The following ANKMY2 variants were observed in gnomAD, a reference collection of about 807,000 sequenced individuals.
The protein encoded by ANKMY2 is ankyrin repeat and MYND domain containing 2.
Under a neutral mutation model 50.4 loss-of-function variants are expected in ANKMY2, and 36 were observed. The ratio of observed to expected loss-of-function variants is 0.71; its 90% confidence interval spans 0.55 to 0.94. The LOEUF (loss-of-function observed/expected upper bound fraction) is 0.94. ANKMY2 is among the 40% of genes least tolerant of loss of function. ANKMY2 has a pLI of 0.00. For synonymous variants in ANKMY2, 187 were observed against 178.8 expected (o/e 1.05, Z -0.36); for missense variants, 565 against 524.0 (o/e 1.08, Z -0.76).
chr7:16,601,244 C>T (rs1781057601), intron 9 of ANKMY2, among the ~76,000 whole-genome samples: 1 of 152,210 alleles, frequency 6.6e-6, no homozygotes, highest in South Asian at 2.1e-4. Context: ...TATTTGAATA[C>T]AGCTTTTCTG....
intron 5 of ANKMY2, among the ~76,000 whole-genome samples, chr7:16,612,167 C>G (rs1781266466): frequency 6.6e-6 from 1 of 152,182 alleles, no homozygotes; most frequent in Non-Finnish European, 1.5e-5. Context: ...ACAGCTAAAT[C>G]AATATCCCAG....
chr7:16,621,702 A>C (rs959567900), intron 4 of ANKMY2, among the ~76,000 whole-genome samples: 1 of 152,088 alleles, frequency 6.6e-6, no homozygotes, highest in Non-Finnish European at 1.5e-5. Context: ...TGCCGGGCAC[A>C]GTGGTTCATG....
At chr7:16,628,957 A>G (rs894263775) in intron 2 of ANKMY2, among the ~76,000 whole-genome samples, 3 of 142,966 alleles carry the variant, frequency 2.1e-5, no homozygotes, top group Admixed American at 7.1e-5. Context: ...CAAAACACAA[A>G]GCTTTCAACA....
intron 1 of ANKMY2, among the ~76,000 whole-genome samples, chr7:16,641,142 G>A (rs1781739555): frequency 6.6e-6 from 1 of 152,160 alleles, no homozygotes; most frequent in Admixed American, 6.5e-5. Flanking sequence ...GCTGAGGCAG[G>A]AGAATTGCTT....
At chr7:16,602,781 T>C (rs1042162557) in intron 8 of ANKMY2, among the ~76,000 whole-genome samples, 19 of 152,170 alleles carry the variant, frequency 1.2e-4, no homozygotes, top group Admixed American at 1.1e-3. Context: ...CTTGGTGCTG[T>C]CCTCACAATA....
intron 2 of ANKMY2, among the ~76,000 whole-genome samples, chr7:16,628,383 C>T (rs1370679428): frequency 6.6e-6 from 1 of 152,062 alleles, no homozygotes; most frequent in Admixed American, 6.6e-5. Context: ...CTTTCAGTTG[C>T]ACAAGAGGCA....
intron 9 of ANKMY2, among the ~76,000 whole-genome samples, chr7:16,601,853 GA>G (rs763987918): frequency 9.3e-5 from 14 of 150,574 alleles, no homozygotes; most frequent in Non-Finnish European, 2.1e-4. Flanking sequence ...GAGGGATGGA[GA>G]AAAAAAAATA....
intron 1 of ANKMY2, among the ~76,000 whole-genome samples, chr7:16,636,667 T>A (rs1014839459): frequency 5.9e-5 from 9 of 152,180 alleles, no homozygotes; most frequent in African/African-American, 1.9e-4. Context: ...AATAGCTCCA[T>A]CTTGTTTTTA....
intron 2 of ANKMY2, among the ~76,000 whole-genome samples, chr7:16,631,440 C>A (rs1443321052): frequency 1.3e-5 from 2 of 152,158 alleles, no homozygotes; most frequent in African/African-American, 4.8e-5. Context: ...GAGTATCTTC[C>A]CATCTTTTTC....
Position 16,600,624 on chromosome 7 carries a change from GA to G in ANKMY2, c.*136del. ...GGGCATGGTCAACAGGGGTTTGCTT[GA>G]AAACCTGTATTCTATGAAATGTGGA... On this transcript the variant is annotated 3_prime_UTR_variant, in exon 10 of 10. Coordinates refer to ENST00000306999, the MANE Select transcript of ANKMY2 (RefSeq NM_020319.3). 3 of 652,476 alleles carry G rather than the reference GA, an allele frequency of 4.6e-6. No individual in the cohort carries two copies. The highest frequency in any genetic ancestry group is 6.8e-6 in the Non-Finnish European group (3 of 442,216). 40.4% of individuals were successfully genotyped at this position (652,476 alleles called of 1,614,324 possible).
At chr7:16,641,961 T>C (rs1473391009) in intron 1 of ANKMY2, among the ~76,000 whole-genome samples, 1 of 152,142 alleles carries the variant, frequency 6.6e-6, no homozygotes, top group Non-Finnish European at 1.5e-5. Flanking sequence ...AAGATGTTCA[T>C]TATGTTGATC....
In ANKMY2 at chr7:16,627,078, TCATGCTGATGACAATTTA is replaced by T; in HGVS notation, c.215_232del (p.Val72_His77del). The T allele has an allele frequency of 6.2e-7, 1 of 1,611,970 alleles. No individual in the cohort carries two copies. Among genetic ancestry groups the T allele is most frequent in the Non-Finnish European group, 8.5e-7 (1 of 1,178,968 alleles). On this transcript the variant is annotated inframe_deletion, in exon 3 of 10. Coordinates refer to ENST00000306999, the MANE Select transcript of ANKMY2 (RefSeq NM_020319.3). ...AAACATGAGGGCTGTGTATCCATGT[TCATGCTGATGACAATTTA>T]CATCGGCTCCATGTCGCAGTAGTAA...
At chr7:16,629,429 G>A (rs763879825) in intron 2 of ANKMY2, among the ~76,000 whole-genome samples, 7 of 152,092 alleles carry the variant, frequency 4.6e-5, no homozygotes, top group South Asian at 2.1e-4. Flanking sequence ...CCAGCTACTC[G>A]GGAAGCTGAA....
chr7:16,609,206 C>T (rs531114174), intron 7 of ANKMY2, among the ~76,000 whole-genome samples: 1 of 152,250 alleles, frequency 6.6e-6, no homozygotes, highest in East Asian at 1.9e-4. Context: ...CACAATGAGC[C>T]TTCCCATGGC....
intron 5 of ANKMY2, among the ~76,000 whole-genome samples, chr7:16,612,455 A>C (rs1211440649): frequency 6.6e-6 from 1 of 152,188 alleles, no homozygotes; most frequent in Non-Finnish European, 1.5e-5. Flanking sequence ...AACTCTCTCT[A>C]CCAAAACATA....
chr7:16,638,380 G>A (rs1390186169), intron 1 of ANKMY2, among the ~76,000 whole-genome samples: 1 of 151,988 alleles, frequency 6.6e-6, no homozygotes, highest in Non-Finnish European at 1.5e-5. Context: ...CAGAACTCAG[G>A]GAAACACTAC....
Position 16,604,827 on chromosome 7 carries a change from G to A in ANKMY2, c.905C>T (p.Ser302Phe). The part of the protein sequence containing the change: ...VEIGSDPTAF[S>F]VLTQAITGQV... Reference sequence around the variant, plus strand: ...GCCAGTGATGGCTTGGGTAAGGACGGAGAATGCAGTGGGATCAGAACCCTA... The same window carrying A: ...GCCAGTGATGGCTTGGGTAAGGACGAAGAATGCAGTGGGATCAGAACCCTA... Residue 302 changes from serine (S) to phenylalanine (F), a missense_variant, in exon 8 of 10, where the codon TCC becomes TTC. Ser to Phe is a radical substitution (Grantham distance 155). Coordinates refer to ENST00000306999, the MANE Select transcript of ANKMY2 (RefSeq NM_020319.3). The A allele has an allele frequency of 1.2e-6, 2 of 1,613,650 alleles. No homozygotes were observed. The highest frequency in any genetic ancestry group is 8.5e-7 in the Non-Finnish European group (1 of 1,179,776).
Position 16,614,253 on chromosome 7 carries a change from A to C in ANKMY2, c.531+1491T>G, listed in dbSNP as rs113760724. Among the ~76,000 whole-genome samples, 94 of 152,330 alleles carry C rather than the reference A, an allele frequency of 6.2e-4. 1 individual carries two copies. The highest frequency in any genetic ancestry group is 2.0e-3 in the African/African-American group (83 of 41,562). On this transcript the variant is annotated intron_variant, in intron 5 of 9. Coordinates refer to ENST00000306999, the MANE Select transcript of ANKMY2 (RefSeq NM_020319.3). ...GGGAGGGAGAGAAACAGTAACACAG[A>C]AGAAAATACATATTTTTTAAAGGTT...
At chr7:16,619,331 T>G (rs547941739) in intron 4 of ANKMY2, among the ~76,000 whole-genome samples, 1 of 152,128 alleles carries the variant, frequency 6.6e-6, no homozygotes, top group Non-Finnish European at 1.5e-5. Context: ...TTTTGTATTT[T>G]TTAGTAGAGG....
Sources: allele counts gnomAD v4.1 joint callset (sites outside exome capture counted in the v4.1 genomes callset), GRCh38; gene constraint gnomAD v4.1.1; transcripts MANE v1.5; gene names NCBI Gene and HGNC (gene_info 2026-07-23, HGNC 2026-07-21).